SNX25: variants seen among roughly 807,000 people sequenced by gnomAD.
SNX25 encodes sorting nexin-25.
SNX25 carries 62 observed loss-of-function variants against 113.7 expected under a neutral mutation model. The observed-to-expected ratio is 0.55, with a 90% CI of 0.44 to 0.67. SNX25 has a LOEUF of 0.67. SNX25 is among the 30% of genes least tolerant of loss of function. The pLI, the probability that SNX25 is intolerant of heterozygous loss-of-function variation, is 0.00. For synonymous variants in SNX25, 421 were observed against 436.2 expected (o/e 0.97, Z 0.43); for missense variants, 1,014 against 1,161.0 (o/e 0.87, Z 1.84).
At chr4:185,340,886 G>C (rs1376235368) in intron 11 of SNX25, among the ~76,000 whole-genome samples, 1 of 152,166 alleles carries the variant, frequency 6.6e-6, no homozygotes, top group Non-Finnish European at 1.5e-5. Flanking sequence ...AGCAGTCCCA[G>C]AAAGGTGCGG....
chr4:185,369,657 T>C (rs981942754), intron 11 of SNX25: 5 of 387,552 alleles, frequency 1.3e-5, no homozygotes, highest in Middle Eastern at 3.6e-4. Context: ...TATGTGTCTA[T>C]GTTTATGTTT....
intron 5 of SNX25, among the ~76,000 whole-genome samples, chr4:185,267,393 C>T (rs915442663): frequency 1.2e-4 from 19 of 152,128 alleles, no homozygotes; most frequent in African/African-American, 4.3e-4. Context: ...GGGGCACCCA[C>T]GCTCCCCACC....
chr4:185,283,517 GATAT>G (rs928932284), intron 5 of SNX25, among the ~76,000 whole-genome samples: 3 of 152,186 alleles, frequency 2.0e-5, no homozygotes, highest in African/African-American at 7.2e-5. Flanking sequence ...ATGCAGGAGG[GATAT>G]AGAAGGCAGT....
At chr4:185,247,228 ATTT>A in intron 1 of SNX25, 63 bp from the exon 2 acceptor site, 1 of 932,798 alleles carries the variant, frequency 1.1e-6, no homozygotes, top group Admixed American at 2.8e-5. Context: ...CATACCTTTG[ATTT>A]TTTTTTTTTA....
intron 1 of SNX25, among the ~76,000 whole-genome samples, chr4:185,211,908 A>C (rs1737870911): frequency 6.6e-6 from 1 of 152,110 alleles, no homozygotes; most frequent in South Asian, 2.1e-4. Context: ...CTCCCAGCTC[A>C]CTGGCACCTC....
chr4:185,324,984 G>A (rs2095146273), intron 9 of SNX25, among the ~76,000 whole-genome samples: 1 of 152,192 alleles, frequency 6.6e-6, no homozygotes, highest in Non-Finnish European at 1.5e-5. Flanking sequence ...GGCAGGGTAA[G>A]AACATTAGTC....
At chr4:185,345,359 G>A (rs558917667) in intron 12 of SNX25, among the ~76,000 whole-genome samples, 2 of 152,314 alleles carry the variant, frequency 1.3e-5, no homozygotes, top group African/African-American at 4.8e-5. Flanking sequence ...ATTTCACAGA[G>A]CTGTTGTAAG....
intron 7 of SNX25, among the ~76,000 whole-genome samples, chr4:185,317,424 G>A (rs1425512792): frequency 3.9e-5 from 6 of 152,160 alleles, no homozygotes; most frequent in South Asian, 2.1e-4. Flanking sequence ...GATTCCTCAA[G>A]GATCTAGAAC....
In SNX25 at chr4:185,247,333, A is replaced by G; in HGVS notation, c.469A>G (p.Arg157Gly). The change falls in exon 2 of 19, where the codon AGA becomes GGA. Residue 157 changes from arginine to glycine, a missense_variant. Coordinates refer to ENST00000652585, the MANE Select transcript of SNX25 (RefSeq NM_001378034.2). ...AAACTCACATGAGTCAGCTCAGTCT[A>G]GAAGGGTAGTAATTTCTCATAATAT... The part of the protein sequence containing the change: ...YGNSHESAQS[R>G]RVVISHNMDK... 6.2e-7 allele frequency: 1 copy of G among 1,611,560 alleles called. No homozygotes were observed.
At chr4:185,272,720 A>T (rs1013109359) in intron 5 of SNX25, among the ~76,000 whole-genome samples, 6 of 152,162 alleles carry the variant, frequency 3.9e-5, no homozygotes, top group African/African-American at 1.4e-4. Context: ...TGTATAATTC[A>T]TTGCACCCTA....
intron 3 of SNX25, among the ~76,000 whole-genome samples, chr4:185,263,230 G>A (rs1418556740): frequency 6.6e-6 from 1 of 152,018 alleles, no homozygotes; most frequent in Non-Finnish European, 1.5e-5. Context: ...TCTTGTAAAA[G>A]TGGTTTTTTT....
At chr4:185,294,955 T>G (rs1579661219) in intron 6 of SNX25, among the ~76,000 whole-genome samples, 1 of 152,180 alleles carries the variant, frequency 6.6e-6, no homozygotes, top group East Asian at 1.9e-4. Flanking sequence ...TTTGGAGTTT[T>G]GATGTATGGC....
intron 18 of SNX25, 34 bp downstream of exon 18, chr4:185,362,745 T>A (rs1244707499): frequency 6.4e-7 from 1 of 1,564,500 alleles, no homozygotes; most frequent in Non-Finnish European, 8.8e-7. Context: ...GTTTCCTGCT[T>A]TATTTTTGTC....
At chr4:185,268,534 G>T (rs1021286382) in intron 5 of SNX25, among the ~76,000 whole-genome samples, 1 of 152,028 alleles carries the variant, frequency 6.6e-6, no homozygotes, top group Non-Finnish European at 1.5e-5. Flanking sequence ...TAATATAGGG[G>T]AAAGAAAGAA....
chr4:185,264,752 T>G (rs2126540641), intron 4 of SNX25, 142 bp downstream of exon 4: 1 of 874,336 alleles, frequency 1.1e-6, no homozygotes, highest in Non-Finnish European at 1.7e-6. Context: ...ATTTGGCCAT[T>G]CAGGATAAAC....
At chr4:185,243,564 T>G (rs1744388068) in intron 1 of SNX25, among the ~76,000 whole-genome samples, 1 of 152,150 alleles carries the variant, frequency 6.6e-6, no homozygotes, top group Non-Finnish European at 1.5e-5. Context: ...ATTGCACCAC[T>G]GTACTCCAGC....
chr4:185,224,518 A>AAT (rs1297511300), intron 1 of SNX25, among the ~76,000 whole-genome samples: 1 of 115,300 alleles, frequency 8.7e-6, no homozygotes, highest in African/African-American at 3.2e-5. Flanking sequence ...TAGATATATA[A>AAT]ATATATATAC....
chr4:185,335,586 G>A (rs960422058), intron 10 of SNX25, among the ~76,000 whole-genome samples: 1 of 152,188 alleles, frequency 6.6e-6, no homozygotes, highest in Admixed American at 6.5e-5. Flanking sequence ...TACCAGCAGT[G>A]TAATTAGCTA....
chr4:185,375,653 C>A, the SNX25 span: 1 of 1,612,064 alleles, frequency 6.2e-7, no homozygotes, highest in East Asian at 2.2e-5. Context: ...GTACATCACT[C>A]CTAGCTGGTA....
Sources: gnomAD v4.1 joint callset for allele counts (sites outside exome capture counted in the v4.1 genomes callset) on GRCh38, gnomAD v4.1.1 for gene constraint, MANE v1.5 for transcripts, NCBI Gene and HGNC (gene_info 2026-07-23, HGNC 2026-07-21) for gene names.